Variants in IGFBP7 observed in about 807,000 individuals in gnomAD.
The protein encoded by IGFBP7 is insulin-like growth factor-binding protein 7.
A neutral mutation model predicts 29.4 loss-of-function variants in IGFBP7; 31 were observed. The ratio of observed to expected loss-of-function variants is 1.05; its 90% CI spans 0.79 to 1.42. The LOEUF is 1.42. Among genes scored for constraint, IGFBP7 ranks in the 40% most tolerant of loss-of-function variants. The probability of loss-of-function intolerance (pLI) is 0.00; values close to 1 mark genes in which losing one functional copy is unlikely to be tolerated. For synonymous variants in IGFBP7, 172 were observed against 174.9 expected, an observed-to-expected ratio of 0.98 and a Z score of 0.13; for missense variants, 393 against 395.5, an observed-to-expected ratio of 0.99 and a Z score of 0.05.
chr4:57,048,736 C>T (rs916662566), intron 1 of IGFBP7, among the ~76,000 whole-genome samples: 6 of 152,118 alleles, frequency 3.9e-5, no homozygotes, highest in Non-Finnish European at 4.4e-5. Flanking sequence ...TAGTCCCTTA[C>T]AGAGCACAAA....
intron 1 of IGFBP7, among the ~76,000 whole-genome samples, chr4:57,069,497 A>C (rs1481360371): frequency 6.6e-6 from 1 of 152,170 alleles, no homozygotes; most frequent in Non-Finnish European, 1.5e-5. Context: ...CTGTCTTTTT[A>C]AGTTTTCCTT....
At chr4:57,092,424 T>C (rs1010210082) in intron 1 of IGFBP7, among the ~76,000 whole-genome samples, 5 of 152,150 alleles carry the variant, frequency 3.3e-5, no homozygotes, top group African/African-American at 1.2e-4. Flanking sequence ...GCAGGGTCCC[T>C]GGTTTTATGG....
At chr4:57,039,332 G>C (rs989998599) in intron 2 of IGFBP7, among the ~76,000 whole-genome samples, 1 of 152,248 alleles carries the variant, frequency 6.6e-6, no homozygotes, top group South Asian at 2.1e-4. Context: ...ATAATTACAT[G>C]CTACTTTTAT....
chr4:57,077,910 A>G (rs1725267338), intron 1 of IGFBP7, among the ~76,000 whole-genome samples: 1 of 152,184 alleles, frequency 6.6e-6, no homozygotes, highest in Admixed American at 6.5e-5. Context: ...AGGGCTTCCC[A>G]TGCTGTCTGG....
intron 1 of IGFBP7, among the ~76,000 whole-genome samples, chr4:57,047,429 G>T (rs1252306160): frequency 6.6e-6 from 1 of 152,042 alleles, no homozygotes; most frequent in African/African-American, 2.4e-5. Context: ...AGCAGCATAA[G>T]AACAGTCTAA....
chr4:57,049,397 C>A (rs202069197), intron 1 of IGFBP7, among the ~76,000 whole-genome samples: 1 of 125,150 alleles, frequency 8.0e-6, no homozygotes, highest in South Asian at 2.3e-4. Flanking sequence ...TACCAATTCA[C>A]TCTTCTATGT....
chr4:57,050,108 C>G (rs986153846), intron 1 of IGFBP7, among the ~76,000 whole-genome samples: 4 of 149,276 alleles, frequency 2.7e-5, no homozygotes, highest in African/African-American at 9.9e-5. Flanking sequence ...GAATATACAT[C>G]ACTTGAAGCA....
intron 1 of IGFBP7, among the ~76,000 whole-genome samples, chr4:57,076,507 A>G (rs1258495368): frequency 2.6e-5 from 4 of 152,238 alleles, no homozygotes; most frequent in Non-Finnish European, 5.9e-5. Context: ...CTAAGAAGCC[A>G]GCCATTTTGG....
intron 1 of IGFBP7, among the ~76,000 whole-genome samples, chr4:57,069,201 T>C (rs2176571): frequency 0.39 from 58,894 of 151,938 alleles, 12,028 homozygotes; most frequent in African/African-American, 0.51. Flanking sequence ...TCTTGAGTTG[T>C]CCAGTAAAGA....
At chr4:57,073,872 C>T (rs1052779091) in intron 1 of IGFBP7, among the ~76,000 whole-genome samples, 4 of 152,030 alleles carry the variant, frequency 2.6e-5, no homozygotes, top group African/African-American at 7.2e-5. Flanking sequence ...TGGAGTTGAT[C>T]GGGAGTGATC....
chr4:57,067,551 G>A (rs1252828922), intron 1 of IGFBP7, among the ~76,000 whole-genome samples: 1 of 152,180 alleles, frequency 6.6e-6, no homozygotes, highest in East Asian at 1.9e-4. Context: ...GGGTAAGGGA[G>A]AAATGAGGAG....
intron 1 of IGFBP7, among the ~76,000 whole-genome samples, chr4:57,058,382 ATGGTAC>A (rs1218826348): frequency 1.3e-5 from 2 of 152,200 alleles, no homozygotes; most frequent in Non-Finnish European, 2.9e-5. Context: ...CCAAAACAGC[ATGGTAC>A]TGGTACAAAA....
chr4:57,087,172 T>C (rs1194951588), intron 1 of IGFBP7, among the ~76,000 whole-genome samples: 1 of 152,220 alleles, frequency 6.6e-6, no homozygotes, highest in East Asian at 1.9e-4. Context: ...ACCTGACACA[T>C]AGAAAACACT....
chr4:57,073,270 T>C, intron 1 of IGFBP7: 1 of 570,868 alleles, frequency 1.8e-6, no homozygotes, highest in Non-Finnish European at 2.9e-6. Context: ...CTTTTAAGCC[T>C]CCAGTTGAGT....
intron 2 of IGFBP7, among the ~76,000 whole-genome samples, chr4:57,038,507 C>CA (rs1207219026): frequency 2.6e-5 from 4 of 152,106 alleles, no homozygotes; most frequent in African/African-American, 9.7e-5. Flanking sequence ...GAACTTGCAA[C>CA]AGAAAGAGCT....
At chr4:57,050,738 T>G (rs1724484863) in intron 1 of IGFBP7, among the ~76,000 whole-genome samples, 2 of 142,872 alleles carry the variant, frequency 1.4e-5, no homozygotes, top group South Asian at 2.3e-4. Context: ...TTTTTTTTTT[T>G]GTAGAGACAG....
At chr4:57,079,458 C>G (rs1179423726) in intron 1 of IGFBP7, among the ~76,000 whole-genome samples, 1 of 152,148 alleles carries the variant, frequency 6.6e-6, no homozygotes, top group Non-Finnish European at 1.5e-5. Context: ...TTAACACGGT[C>G]CTCCTTTGCA....
At chr4:57,065,490 C>G (rs1292102100) in intron 1 of IGFBP7, 4 of 152,256 alleles carry the variant, frequency 2.6e-5, no homozygotes, top group African/African-American at 9.6e-5. Flanking sequence ...GTGACTCACT[C>G]TTGACGCGTG....
chr4:57,075,660 C>G (rs1725204624), intron 1 of IGFBP7, among the ~76,000 whole-genome samples: 1 of 150,590 alleles, frequency 6.6e-6, no homozygotes, highest in Non-Finnish European at 1.5e-5. Flanking sequence ...AAAAAAATAA[C>G]CAAATGCCTT....
Sources: gnomAD v4.1 joint callset for allele counts (sites outside exome capture counted in the v4.1 genomes callset) on GRCh38, gnomAD v4.1.1 for gene constraint, MANE v1.5 for transcripts, NCBI Gene and HGNC (gene_info 2026-07-23, HGNC 2026-07-21) for gene names.